The following FAM199X variants were observed in gnomAD, a reference collection of about 807,000 sequenced individuals.
The protein encoded by FAM199X is family with sequence similarity 199, X-linked.
A neutral mutation model predicts 22.9 loss-of-function variants in FAM199X; 4 were observed. That is an observed-to-expected ratio of 0.17 (90% CI 0.09 to 0.40). The LOEUF (loss-of-function observed/expected upper bound fraction) is 0.40, where lower values mean the gene tolerates loss of function less well. FAM199X is among the 10% of genes least tolerant of loss of function. The probability of loss-of-function intolerance (pLI) is 1.00; values close to 1 mark genes in which losing one functional copy is unlikely to be tolerated. For synonymous variants in FAM199X, 101 were observed against 112.3 expected (o/e 0.90, Z 0.64); for missense variants, 183 against 306.8 (o/e 0.60, Z 3.01).
chrX:104,177,531 G>A (rs1475560757), intron 2 of FAM199X, among the ~76,000 whole-genome samples: 1 of 112,026 alleles, frequency 8.9e-6, no homozygotes, highest in African/African-American at 3.2e-5. Flanking sequence ...AACTTTTTGA[G>A]GAACTGCCAA....
Position 104,194,313 on chromosome X carries a change from G to A in FAM199X, c.*4535G>A, listed in dbSNP as rs1429418838. 9.0e-6 allele frequency: 1 copy of A among 111,403 alleles called. No individual in the cohort carries two copies. The highest frequency in any genetic ancestry group is 3.3e-5 in the African/African-American group (1 of 30,768). The allele number at this position is 111,403 out of a possible 1,213,427, so 9.2% of individuals were successfully genotyped here. Reference sequence around the variant, plus strand: ...TGTGTTCATTTTTGTGGTGAGGGATGGGGGTGAAAAAGGGGAGACTTGCTC... The same window carrying A: ...TGTGTTCATTTTTGTGGTGAGGGATAGGGGTGAAAAAGGGGAGACTTGCTC... On this transcript the variant is annotated 3_prime_UTR_variant, in exon 6 of 6. Coordinates refer to ENST00000493442, the MANE Select transcript of FAM199X (RefSeq NM_207318.4).
At chrX:104,165,188 A>G (rs1569466081), upstream of FAM199X, among the ~76,000 whole-genome samples, 1 of 112,587 alleles carries the variant, frequency 8.9e-6, no homozygotes, top group African/African-American at 3.2e-5. Flanking sequence ...CACATACACA[A>G]TGCAACACAC....
the FAM199X span, among the ~76,000 whole-genome samples, chrX:104,158,040 A>C: frequency 8.9e-6 from 1 of 112,617 alleles, no homozygotes; most frequent in Non-Finnish European, 1.9e-5. Context: ...GTCAGATTGC[A>C]TATAAATCAA....
upstream of FAM199X, among the ~76,000 whole-genome samples, chrX:104,163,170 T>G (rs992350381): frequency 4.5e-5 from 5 of 109,908 alleles, no homozygotes; most frequent in African/African-American, 1.7e-4. Flanking sequence ...GAAAAAATTA[T>G]AAGGGTTAGA....
chrX:104,172,134 G>C (rs908652010), intron 1 of FAM199X, among the ~76,000 whole-genome samples: 1 of 109,016 alleles, frequency 9.2e-6, no homozygotes, highest in Non-Finnish European at 1.9e-5. Flanking sequence ...AGGTGCATTG[G>C]TTCACACCTG....
Position 104,190,281 on chromosome X carries a change from G to T in FAM199X, c.*503G>T, listed in dbSNP as rs188877808. 8.9e-6 allele frequency: 1 copy of T among 112,208 alleles called. No individual in the cohort carries two copies. Among genetic ancestry groups the T allele is most frequent in the Non-Finnish European group, 1.9e-5 (1 of 53,624 alleles). The allele number at this position is 112,208 out of a possible 1,213,427, so 9.2% of individuals were successfully genotyped here. A position where few individuals can be genotyped will look rare whatever the true frequency, so the allele number is the denominator to read the frequency against. On this transcript the variant is annotated 3_prime_UTR_variant, in exon 6 of 6. Coordinates refer to ENST00000493442, the MANE Select transcript of FAM199X (RefSeq NM_207318.4). ...ATTTCTTAGTTTACTTTTCCTAAAGGGCCATAGCATAATTCTTGATTCCTG... is the reference window on the plus strand; with the variant it reads ...ATTTCTTAGTTTACTTTTCCTAAAGTGCCATAGCATAATTCTTGATTCCTG...
At chrX:104,186,019 G>A in intron 2 of FAM199X, 47 bp from the exon 3 acceptor site, 1 of 1,154,027 alleles carries the variant, frequency 8.7e-7, no homozygotes, top group Non-Finnish European at 1.2e-6. Flanking sequence ...AATGTAGTCT[G>A]AACAAATTTT....
intron 2 of FAM199X, among the ~76,000 whole-genome samples, chrX:104,176,349 A>G (rs1470084100): frequency 1.8e-5 from 2 of 112,234 alleles, no homozygotes; most frequent in Non-Finnish European, 3.8e-5. Context: ...TACCATGTAA[A>G]ATGGCTTTGT....
intron 2 of FAM199X, among the ~76,000 whole-genome samples, chrX:104,185,758 C>T (rs1003189611): frequency 4.5e-5 from 5 of 110,817 alleles, no homozygotes; most frequent in African/African-American, 6.6e-5. Flanking sequence ...GCACAGGCCA[C>T]CACACCCAGC....
intron 2 of FAM199X, among the ~76,000 whole-genome samples, chrX:104,185,630 G>A (rs1337197544): frequency 9.1e-6 from 1 of 109,460 alleles, no homozygotes; most frequent in Non-Finnish European, 1.9e-5. Context: ...TTTCTTTTGA[G>A]ATGGAGTCTG....
chrX:104,167,238 C>T (rs185766763), intron 1 of FAM199X, among the ~76,000 whole-genome samples: 1 of 106,427 alleles, frequency 9.4e-6, no homozygotes, highest in Non-Finnish European at 1.9e-5. Context: ...CTACCTTCTC[C>T]CTCCCTTGCT....
intron 1 of FAM199X, among the ~76,000 whole-genome samples, chrX:104,173,109 TAC>T (rs1450521407): frequency 9.0e-6 from 1 of 111,292 alleles, no homozygotes; most frequent in Non-Finnish European, 1.9e-5. Flanking sequence ...TAGCTGGGAA[TAC>T]AGACATGCAC....
At chrX:104,174,505 A>G (rs1602515897) in intron 1 of FAM199X, among the ~76,000 whole-genome samples, 1 of 111,435 alleles carries the variant, frequency 9.0e-6, no homozygotes. Context: ...TTACCTTTCA[A>G]GCAACTGTAT....
At chrX:104,182,338 T>C (rs1054093641) in intron 2 of FAM199X, among the ~76,000 whole-genome samples, 3 of 111,195 alleles carry the variant, frequency 2.7e-5, no homozygotes, top group Non-Finnish European at 3.8e-5. Context: ...TTTCTTTCCA[T>C]GTTTGCTTAT....
intron 2 of FAM199X, among the ~76,000 whole-genome samples, chrX:104,184,198 C>A (rs1921736275): frequency 8.9e-6 from 1 of 112,312 alleles, no homozygotes; most frequent in Non-Finnish European, 1.9e-5. Context: ...TGCTTTGAAT[C>A]CCCTGTACCT....
intron 1 of FAM199X, among the ~76,000 whole-genome samples, chrX:104,174,850 A>G (rs1312299238): frequency 5.4e-5 from 6 of 112,144 alleles, no homozygotes; most frequent in Non-Finnish European, 1.1e-4. Flanking sequence ...GGAATTATTG[A>G]TCATTTTATT....
At chrX:104,188,595 T>C (rs1921860003) in intron 5 of FAM199X, among the ~76,000 whole-genome samples, 1 of 112,305 alleles carries the variant, frequency 8.9e-6, no homozygotes. Flanking sequence ...GATTGCAATA[T>C]TGACTGCAAC....
chrX:104,179,049 G>A (rs781873303), intron 2 of FAM199X, among the ~76,000 whole-genome samples: 1 of 111,860 alleles, frequency 8.9e-6, no homozygotes, highest in Non-Finnish European at 1.9e-5. Context: ...AAGATCGCTT[G>A]AGCCCTGAAG....
At chrX:104,179,088 C>T (rs1170342479) in intron 2 of FAM199X, among the ~76,000 whole-genome samples, 4 of 111,741 alleles carry the variant, frequency 3.6e-5, no homozygotes, top group African/African-American at 9.8e-5. Context: ...TGAGATTGCG[C>T]CATTGCACTC....
Sources: gnomAD v4.1 joint callset for allele counts (sites outside exome capture counted in the v4.1 genomes callset) on GRCh38, gnomAD v4.1.1 for gene constraint, MANE v1.5 for transcripts, NCBI Gene and HGNC (gene_info 2026-07-23, HGNC 2026-07-21) for gene names.